The following RBM47 variants were observed in gnomAD, a reference collection of about 807,000 sequenced individuals.
The protein encoded by RBM47 is RNA binding motif protein 47, also known as RNA-binding protein 47.
Under a neutral mutation model 47.1 loss-of-function variants are expected in RBM47, and 21 were observed. The ratio of observed to expected loss-of-function variants is 0.45; its 90% CI spans 0.32 to 0.64. RBM47 has a LOEUF of 0.64. RBM47 is among the 30% of genes least tolerant of loss of function. RBM47 has a pLI of 0.05. For missense variants in RBM47, 708 were observed against 870.9 expected, an observed-to-expected ratio of 0.81 and a Z score of 2.35; for synonymous variants, 375 against 361.7, an observed-to-expected ratio of 1.04 and a Z score of -0.42.
intron 1 of RBM47, among the ~76,000 whole-genome samples, chr4:40,568,190 C>CAATT (rs1731272753): frequency 6.6e-6 from 1 of 151,538 alleles, no homozygotes; most frequent in Non-Finnish European, 1.5e-5. Context: ...CTTTGGGAGG[C>CAATT]GAAGGCAGGA....
chr4:40,616,089 A>T lies in RBM47; in HGVS notation c.-240+13307T>A, dbSNP rs189394439. On this transcript the variant is annotated intron_variant, in intron 1 of 6. Transcript: ENST00000295971. ...ACTTCTTGGCTGGGTGCGGTGGCTC[A>T]CGCTTGTAATCCCAGCACTTTGGGA... 2.5e-3 allele frequency among the ~76,000 whole-genome samples: 387 copies of T among 152,282 alleles called. 2 individuals carry two copies. The highest frequency in any genetic ancestry group is 8.5e-3 in the African/African-American group (354 of 41,566).
intron 1 of RBM47, among the ~76,000 whole-genome samples, chr4:40,550,860 T>C (rs1219589228): frequency 6.6e-6 from 1 of 152,136 alleles, no homozygotes; most frequent in Non-Finnish European, 1.5e-5. Flanking sequence ...AAACTTTTAA[T>C]TTCCAAAATC....
At chr4:40,447,849 A>G (rs528875221) in intron 3 of RBM47, among the ~76,000 whole-genome samples, 3 of 152,270 alleles carry the variant, frequency 2.0e-5, no homozygotes, top group Non-Finnish European at 4.4e-5. Flanking sequence ...TCTCTACTAA[A>G]AATACAAAAA....
At chr4:40,550,539 C>A in intron 1 of RBM47, among the ~76,000 whole-genome samples, 1 of 152,176 alleles carries the variant, frequency 6.6e-6, no homozygotes, top group Non-Finnish European at 1.5e-5. Context: ...CTGCCTCAGC[C>A]TCCAGAGTAG....
chr4:40,427,247 A>G (rs1715192786), intron 6 of RBM47: 1 of 152,332 alleles, frequency 6.6e-6, no homozygotes, highest in Admixed American at 6.5e-5. Flanking sequence ...GAAAGAACCA[A>G]CTAATGGGGA....
chr4:40,551,445 G>C (rs1729551099), intron 1 of RBM47, among the ~76,000 whole-genome samples: 1 of 152,012 alleles, frequency 6.6e-6, no homozygotes, highest in African/African-American at 2.4e-5. Context: ...ATATTCCCAA[G>C]ATATCTTTGT....
intron 2 of RBM47, among the ~76,000 whole-genome samples, chr4:40,511,160 G>A (rs1311319537): frequency 1.3e-5 from 2 of 152,098 alleles, no homozygotes; most frequent in Non-Finnish European, 2.9e-5. Flanking sequence ...TTCTGACTCC[G>A]AGCTCCTACG....
intron 1 of RBM47, among the ~76,000 whole-genome samples, chr4:40,579,423 G>GAAAAAAAAAAA (rs10653342): frequency 2.9e-5 from 3 of 101,996 alleles, no homozygotes; most frequent in Admixed American, 1.3e-4. Flanking sequence ...CCCTGTCTCA[G>GAAAAAAAAAAA]AAAAAAAAAA....
Position 40,531,303 on chromosome 4 carries a change from T to C in RBM47, c.-155+13119A>G, listed in dbSNP as rs539901150. Among the ~76,000 whole-genome samples, 35 of 151,876 alleles carry C rather than the reference T, an allele frequency of 2.3e-4. No individual in the cohort carries two copies. In the South Asian group the frequency reaches 4.6e-3, roughly 20 times the overall value. On this transcript the variant is annotated intron_variant, in intron 2 of 6. Transcript: ENST00000295971. ...CACAGACTAGCTGAGCTTCAAAGGA[T>C]AACATCTGGAGAGATAAAGAGGAAA... is the stretch of plus-strand genomic sequence containing the variant.
In RBM47 at chr4:40,505,731, C is replaced by CAA. The variant is rs527797923; in HGVS notation, c.-155+38689_-155+38690dup. On this transcript the variant is annotated intron_variant, in intron 2 of 6. Transcript: ENST00000295971. ...TGAAACTCCATCTCTACTAAAAATA[C>CAA]AAAAAAAAAAATAGCTGGTTATGGT... Among the ~76,000 whole-genome samples the CAA allele has an allele frequency of 2.9e-3, 422 of 143,398 alleles. 1 individual carries two copies. The highest frequency in any genetic ancestry group is 9.6e-3 in the African/African-American group (376 of 39,362). The allele number at this position is 143,398 out of a possible 152,430, so 94.1% of individuals were successfully genotyped here. A position where few individuals can be genotyped will look rare whatever the true frequency, so the allele number is the denominator to read the frequency against.
chr4:40,449,756 G>A (rs985609578), intron 3 of RBM47, among the ~76,000 whole-genome samples: 7 of 152,152 alleles, frequency 4.6e-5, no homozygotes, highest in African/African-American at 1.4e-4. Flanking sequence ...TCAGCTCACT[G>A]AAGCCTCCAC....
chr4:40,490,399 T>C (rs1327419714), intron 2 of RBM47, among the ~76,000 whole-genome samples: 1 of 152,068 alleles, frequency 6.6e-6, no homozygotes, highest in Admixed American at 6.5e-5. Flanking sequence ...AGGAATCCAT[T>C]AAAAAATTAT....
intron 2 of RBM47, among the ~76,000 whole-genome samples, chr4:40,468,736 GA>G (rs781369898): frequency 2.6e-5 from 4 of 151,866 alleles, no homozygotes; most frequent in Admixed American, 2.6e-4. Context: ...TCTCCTGAAA[GA>G]AAAAAAGCCA....
chr4:40,541,738 CA>C (rs950550931), intron 2 of RBM47, among the ~76,000 whole-genome samples: 65 of 137,020 alleles, frequency 4.7e-4, no homozygotes, highest in African/African-American at 4.0e-4. Flanking sequence ...AACTCTGTCT[CA>C]AAAAAAAAAA....
At chr4:40,496,533 T>C (rs1722617006) in intron 2 of RBM47, among the ~76,000 whole-genome samples, 1 of 152,268 alleles carries the variant, frequency 6.6e-6, no homozygotes, top group South Asian at 2.1e-4. Context: ...ACCATTGCAA[T>C]TGTTCAGCCA....
chr4:40,450,062 T>C (rs1715175545), intron 3 of RBM47, among the ~76,000 whole-genome samples: 1 of 152,092 alleles, frequency 6.6e-6, no homozygotes, highest in Non-Finnish European at 1.5e-5. Context: ...AAAATGAAAC[T>C]CACAAATTCA....
chr4:40,561,443 C>T (rs1730613855), intron 1 of RBM47, among the ~76,000 whole-genome samples: 2 of 151,644 alleles, frequency 1.3e-5, no homozygotes, highest in Admixed American at 6.6e-5. Context: ...AGGCTGGTCT[C>T]GAACTCCTGA....
intron 2 of RBM47, among the ~76,000 whole-genome samples, chr4:40,516,526 C>T (rs1163295822): frequency 6.6e-6 from 1 of 152,178 alleles, no homozygotes; most frequent in Non-Finnish European, 1.5e-5. Flanking sequence ...TCCCAAAGTG[C>T]TGGGATTACA....
chr4:40,432,431 T>C (rs1716304742), intron 6 of RBM47, among the ~76,000 whole-genome samples: 1 of 152,118 alleles, frequency 6.6e-6, no homozygotes, highest in African/African-American at 2.4e-5. Flanking sequence ...TTTTTGCATA[T>C]TGATTACCAC....
Sources: gnomAD v4.1 joint callset for allele counts (sites outside exome capture counted in the v4.1 genomes callset) on GRCh38, gnomAD v4.1.1 for gene constraint, MANE v1.5 for transcripts, NCBI Gene and HGNC (gene_info 2026-07-23, HGNC 2026-07-21) for gene names.